The following ARFGEF1 variants were observed in gnomAD, a reference collection of about 807,000 sequenced individuals.
ARFGEF1 encodes the protein brefeldin A-inhibited guanine nucleotide-exchange protein 1.
A neutral mutation model predicts 231.0 loss-of-function variants in ARFGEF1; 42 were observed. The ratio of observed to expected loss-of-function variants is 0.18; its 90% CI spans 0.14 to 0.24. The LOEUF (loss-of-function observed/expected upper bound fraction) is 0.24, where lower values mean the gene tolerates loss of function less well. ARFGEF1 is among the 10% of genes least tolerant of loss of function. ARFGEF1 has a pLI of 1.00. For missense variants in ARFGEF1, 1,345 were observed against 2,192.0 expected (o/e 0.61, Z 7.72); for synonymous variants, 710 against 732.3 (o/e 0.97, Z 0.49).
Position 67,277,415 on chromosome 8 carries a change from T to C in ARFGEF1, c.1070A>G (p.Asn357Ser), listed in dbSNP as rs1030938397. Residue 357 changes from asparagine to serine, a missense_variant, in exon 8 of 39, where the codon AAC (asparagine) becomes AGC (serine). Asn to Ser is a conservative substitution (Grantham distance 46). This residue lies in a region of ARFGEF1 where 398 missense variants were observed against 463.2 expected (regional missense o/e 0.86). Coordinates refer to ENST00000262215, the MANE Select transcript of ARFGEF1 (RefSeq NM_006421.5). ...ACTACCATCCTCTATAGTTCCAATGTTGCCATCTGCACTTGCATTTATAGT... is the reference window on the plus strand; with the variant it reads ...ACTACCATCCTCTATAGTTCCAATGCTGCCATCTGCACTTGCATTTATAGT... ...GTTINASADG[N>S]IGTIEDGSDS... The C allele has an allele frequency of 1.4e-5, 22 of 1,613,668 alleles. No individual in the cohort carries two copies. The highest frequency in any genetic ancestry group is 1.6e-5 in the Non-Finnish European group (19 of 1,179,802).
At chr8:67,320,564 T>A (rs1807539379) in intron 1 of ARFGEF1, among the ~76,000 whole-genome samples, 1 of 152,206 alleles carries the variant, frequency 6.6e-6, no homozygotes, top group East Asian at 1.9e-4. Context: ...CATGAATATT[T>A]ATAGCAGCTC....
chr8:67,232,415 A>C (rs1422523970), intron 23 of ARFGEF1, among the ~76,000 whole-genome samples: 1 of 152,054 alleles, frequency 6.6e-6, no homozygotes, highest in Non-Finnish European at 1.5e-5. Flanking sequence ...TATAATATAT[A>C]AATTCTGAAG....
Position 67,203,229 on chromosome 8 carries a change from A to G in ARFGEF1, c.4982T>C (p.Val1661Ala), listed in dbSNP as rs779182355. The change falls in exon 36 of 39, where the codon GTT (valine) becomes GCT (alanine). Residue 1661 changes from valine to alanine, a missense_variant. Val to Ala is a moderately conservative substitution (Grantham distance 64). Coordinates refer to ENST00000262215, the MANE Select transcript of ARFGEF1 (RefSeq NM_006421.5). ...AAQRDAVDFD[V>A]RVDTQDQGMY... ...TCCTTGGTCTTGAGTATCAACGCGAACATCAAAGTCCACCGCATCTCTCTT... is the reference window on the plus strand; with the variant it reads ...TCCTTGGTCTTGAGTATCAACGCGAGCATCAAAGTCCACCGCATCTCTCTT... 1 of 1,614,108 alleles carries G rather than the reference A, an allele frequency of 6.2e-7. No homozygotes were observed. Among genetic ancestry groups the G allele is most frequent in the East Asian group, 2.2e-5 (1 of 44,894 alleles).
chr8:67,302,336 C>A, intron 2 of ARFGEF1, 100 bp downstream of exon 2: 1 of 736,714 alleles, frequency 1.4e-6, no homozygotes, highest in Non-Finnish European at 2.1e-6. Context: ...AACTCACATG[C>A]AGAGAATTTG....
At chr8:67,322,604 C>T (rs143185585) in intron 1 of ARFGEF1, among the ~76,000 whole-genome samples, 25 of 152,196 alleles carry the variant, frequency 1.6e-4, no homozygotes, top group Non-Finnish European at 3.1e-4. Context: ...GGGAGGCAGG[C>T]TAAGGTAGCA....
chr8:67,310,706 G>A (rs1191863920), intron 1 of ARFGEF1, among the ~76,000 whole-genome samples: 1 of 144,434 alleles, frequency 6.9e-6, no homozygotes, highest in Non-Finnish European at 1.5e-5. Flanking sequence ...CCTCTGCCCC[G>A]CCGCCCAATC....
exon 6 of ARFGEF1, chr8:67,175,557 A>G: frequency 8.4e-7 from 1 of 1,185,870 alleles, no homozygotes; most frequent in Non-Finnish European, 1.2e-6. Context: ...CCCCATGCTC[A>G]CAGGGTCCGT....
rs1339355378 is a variant in ARFGEF1 at position 67,190,770 on chromosome 8, G to A, written c.560+9626C>T. On this transcript the variant is annotated intron_variant, in intron 5 of 5. Coordinates refer to the ARFGEF1 transcript ENST00000518789. The stretch of plus-strand genomic sequence containing the variant: ...AAAGGACTAGACATTGTATGTATGA[G>A]ACTTTTCTCCCCCTTTTCAACTTAG... 19 of 1,565,314 alleles carry A rather than the reference G, an allele frequency of 1.2e-5. No homozygotes were observed. Among genetic ancestry groups the A allele is most frequent in the Admixed American group, 1.7e-5 (1 of 59,926 alleles).
At chr8:67,266,268 G>T in intron 13 of ARFGEF1, 61 bp from the exon 14 acceptor site, 1 of 1,386,054 alleles carries the variant, frequency 7.2e-7, no homozygotes, top group Non-Finnish European at 1.0e-6. Context: ...AAGTGTAAGG[G>T]CAAACAAATT....
In ARFGEF1 at chr8:67,325,934, C is replaced by T. The variant is rs1176249076; in HGVS notation, c.124+17230G>A. Reference sequence around the variant, plus strand: ...GCAGTGGCTCATGCCTGTAATCCCACCACTTTGGAATCCCAAAGGGATTAC... The same window carrying T: ...GCAGTGGCTCATGCCTGTAATCCCATCACTTTGGAATCCCAAAGGGATTAC... On this transcript the variant is annotated intron_variant, in intron 1 of 38. Transcript: ENST00000262215. Among the ~76,000 whole-genome samples, 4 of 152,086 alleles carry T rather than the reference C, an allele frequency of 2.6e-5. No homozygotes were observed. The South Asian group carries it at 6.2e-4, about 24-fold the overall frequency.
chr8:67,297,563 A>C (rs1436741804), intron 4 of ARFGEF1, among the ~76,000 whole-genome samples: 1 of 152,140 alleles, frequency 6.6e-6, no homozygotes, highest in Admixed American at 6.5e-5. Context: ...TGGGCAACAG[A>C]GTGAGACTGT....
At chr8:67,241,869 GC>G (rs1484242437) in intron 19 of ARFGEF1, among the ~76,000 whole-genome samples, 1 of 152,132 alleles carries the variant, frequency 6.6e-6, no homozygotes, top group Admixed American at 6.5e-5. Flanking sequence ...CCCATCAGCG[GC>G]CCTATGCTGC....
At chr8:67,225,405 G>A (rs567355236) in intron 28 of ARFGEF1, among the ~76,000 whole-genome samples, 3 of 152,100 alleles carry the variant, frequency 2.0e-5, no homozygotes, top group African/African-American at 4.8e-5. Context: ...ATGAGTTGAC[G>A]TATCTAAAAA....
At chr8:67,299,553 C>T (rs1001280619) in intron 3 of ARFGEF1, among the ~76,000 whole-genome samples, 198 bp from the exon 4 acceptor site, 1 of 152,188 alleles carries the variant, frequency 6.6e-6, no homozygotes, top group Admixed American at 6.5e-5. Flanking sequence ...GTTATTTATA[C>T]TTGTAATAAT....
chr8:67,285,537 C>T (rs570963766), intron 7 of ARFGEF1, among the ~76,000 whole-genome samples: 1 of 151,952 alleles, frequency 6.6e-6, no homozygotes, highest in African/African-American at 2.4e-5. Context: ...CAAAAAAAAA[C>T]ACTGGGTGAA....
At chr8:67,252,026 T>C (rs1423245364) in intron 18 of ARFGEF1, among the ~76,000 whole-genome samples, 3 of 152,146 alleles carry the variant, frequency 2.0e-5, no homozygotes, top group African/African-American at 4.8e-5. Context: ...TCCCAGCACT[T>C]TGGGAAGCCA....
rs1457006425 is a variant in ARFGEF1, at chr8:67,190,645, C to T, written c.560+9751G>A. On this transcript the variant is annotated intron_variant, in intron 5 of 5. Coordinates refer to the ARFGEF1 transcript ENST00000518789. Reference sequence around the variant, plus strand: ...GACTCCTTCTGCTTTTCGGGGTCCTCTTAGGGGCTTACGGTGAGACATATC... The same window carrying T: ...GACTCCTTCTGCTTTTCGGGGTCCTTTTAGGGGCTTACGGTGAGACATATC... 4.3e-6 allele frequency: 7 copies of T among 1,612,052 alleles called. No individual in the cohort carries two copies. Among genetic ancestry groups the T allele is most frequent in the African/African-American group, 1.3e-5 (1 of 74,860 alleles).
In ARFGEF1 at chr8:67,273,016, AG is replaced by A. The variant is rs540478393; in HGVS notation, c.1338-1081del. ...CAGCTACTCGGGAGGCTGAGGCAGGAGAATCACTTGAACCTGGGAGGTGGAG... is the reference window on the plus strand; with the variant it reads ...CAGCTACTCGGGAGGCTGAGGCAGGAAATCACTTGAACCTGGGAGGTGGAG... On this transcript the variant is annotated intron_variant, in intron 9 of 38. Coordinates refer to ENST00000262215, the MANE Select transcript of ARFGEF1 (RefSeq NM_006421.5). 5.1e-3 allele frequency among the ~76,000 whole-genome samples: 778 copies of A among 152,244 alleles called. 3 individuals are homozygous for A. The highest frequency in any genetic ancestry group is 0.024 in the Middle Eastern group (7 of 294).
chr8:67,187,297 C>T (rs772514059), intron 5 of ARFGEF1, among the ~76,000 whole-genome samples: 14 of 152,190 alleles, frequency 9.2e-5, no homozygotes, highest in Non-Finnish European at 2.1e-4. Flanking sequence ...AGGACTCTCA[C>T]AGCTGACTTC....
Sources: gnomAD v4.1 joint callset for allele counts (sites outside exome capture counted in the v4.1 genomes callset) on GRCh38, gnomAD v4.1.1 for gene constraint, gnomAD v4.1.1 regional missense constraint, MANE v1.5 for transcripts, NCBI Gene and HGNC (gene_info 2026-07-23, HGNC 2026-07-21) for gene names.